Variants in ANO1 observed in about 807,000 individuals in gnomAD.
The protein encoded by ANO1 is anoctamin 1, also known as anoctamin-1.
In ANO1, 59 loss-of-function variants were observed where a neutral mutation model predicts 124.0. The ratio of observed to expected loss-of-function variants is 0.48; its 90% CI spans 0.39 to 0.59. ANO1 has a LOEUF of 0.59. Among genes scored for constraint, ANO1 ranks in the 20% least tolerant of loss-of-function variants. The pLI is 0.00. For missense variants in ANO1, 1,059 were observed against 1,328.0 expected, an observed-to-expected ratio of 0.80 and a Z score of 3.15; for synonymous variants, 529 against 532.0, an observed-to-expected ratio of 0.99 and a Z score of 0.08.
chr11:70,043,033 C>T (rs1217136696), intron 1 of ANO1, among the ~76,000 whole-genome samples: 7 of 151,970 alleles, frequency 4.6e-5, no homozygotes, highest in African/African-American at 1.7e-4. Context: ...TCAATAGAAA[C>T]AGACCCAGAA....
chr11:70,016,908 C>T (rs188873955), intron 1 of ANO1, among the ~76,000 whole-genome samples: 12 of 152,382 alleles, frequency 7.9e-5, no homozygotes, highest in Non-Finnish European at 1.6e-4. Flanking sequence ...GTCCCTCAGA[C>T]ATCCTGCCCC....
intron 11 of ANO1, among the ~76,000 whole-genome samples, chr11:70,140,071 G>C (rs2135565713): frequency 6.6e-6 from 1 of 152,342 alleles, no homozygotes; most frequent in East Asian, 1.9e-4. Flanking sequence ...GGCTCTCTCT[G>C]TAACCCCACA....
chr11:69,969,754 C>T, the ANO1 span, among the ~76,000 whole-genome samples: 2 of 152,116 alleles, frequency 1.3e-5, no homozygotes, highest in Non-Finnish European at 2.9e-5. Context: ...CGAGAACAGC[C>T]TGGCCAATAT....
At chr11:70,071,984 A>G (rs1319456802) in intron 1 of ANO1, among the ~76,000 whole-genome samples, 1 of 152,182 alleles carries the variant, frequency 6.6e-6, no homozygotes, top group East Asian at 1.9e-4. Context: ...GTCACATAAC[A>G]TAGATTATTG....
chr11:70,154,866 C>G (rs1296018351), intron 14 of ANO1, among the ~76,000 whole-genome samples: 1 of 152,240 alleles, frequency 6.6e-6, no homozygotes, highest in Non-Finnish European at 1.5e-5. Context: ...AAGAGACTGT[C>G]TGTCTGACTT....
intron 7 of ANO1, among the ~76,000 whole-genome samples, chr11:70,116,102 C>T (rs1216512720): frequency 6.6e-6 from 1 of 152,206 alleles, no homozygotes; most frequent in Non-Finnish European, 1.5e-5. Context: ...CATATACGCA[C>T]CCTATTGATA....
chr11:70,101,760 C>G (rs1353195996), intron 2 of ANO1, among the ~76,000 whole-genome samples: 1 of 152,148 alleles, frequency 6.6e-6, no homozygotes, highest in East Asian at 1.9e-4. Context: ...GGATGAGGTC[C>G]CGGCCGGCAC....
At chr11:70,095,395 AAAG>A (rs1169777323) in intron 2 of ANO1, among the ~76,000 whole-genome samples, 420 of 39,052 alleles carry the variant, frequency 0.011, 34 homozygotes, top group Non-Finnish European at 9.8e-3. Flanking sequence ...AGAAAGAAAG[AAAG>A]AAAGAAAGAA....
chr11:70,058,920 A>T (rs978476011), intron 1 of ANO1, among the ~76,000 whole-genome samples: 13 of 152,218 alleles, frequency 8.5e-5, no homozygotes, highest in African/African-American at 3.1e-4. Context: ...GCGGTGGCTC[A>T]CGCCTGTAAT....
rs1030540574 is a variant in ANO1, at chr11:70,096,679, A to G, written c.442-6387A>G. The stretch of plus-strand genomic sequence containing the variant: ...ACTTCCAGACCAGCCTGGCCAACAT[A>G]GTGAAACCCCGTCTCTACTAAAAAT... On this transcript the variant is annotated intron_variant, in intron 2 of 25. Transcript: ENST00000355303. 5.9e-5 allele frequency among the ~76,000 whole-genome samples: 9 copies of G among 152,064 alleles called. No homozygotes were observed. In the East Asian group the frequency reaches 1.4e-3, roughly 23 times the overall value.
chr11:70,149,649 T>TA (rs34756275), intron 11 of ANO1, 61 bp from the exon 12 acceptor site: 212,802 of 1,354,242 alleles, frequency 0.16, 1,467 homozygotes, highest in Middle Eastern at 0.17. Context: ...AAACTCTGTC[T>TA]AAAAAAAAAA....
chr11:70,143,172 C>T (rs560159706), intron 11 of ANO1, among the ~76,000 whole-genome samples: 91 of 152,248 alleles, frequency 6.0e-4, no homozygotes, highest in African/African-American at 1.9e-3. Flanking sequence ...TTGGAAGACG[C>T]GACCCCTGCC....
At chr11:70,130,437 G>T (rs1196448361) in intron 10 of ANO1, among the ~76,000 whole-genome samples, 1 of 152,260 alleles carries the variant, frequency 6.6e-6, no homozygotes, top group South Asian at 2.1e-4. Flanking sequence ...CACAGACCAG[G>T]ATTCCATTCC....
At chr11:70,132,318 G>A (rs1056593995) in intron 11 of ANO1, among the ~76,000 whole-genome samples, 2 of 152,262 alleles carry the variant, frequency 1.3e-5, no homozygotes, top group African/African-American at 2.4e-5. Flanking sequence ...AAAAGCCTAG[G>A]AGGGACGTTT....
chr11:70,094,967 G>A (rs1487724011), intron 2 of ANO1, among the ~76,000 whole-genome samples: 2 of 152,130 alleles, frequency 1.3e-5, no homozygotes, highest in East Asian at 1.9e-4. Context: ...AGCACTTTGG[G>A]AGGCTGAGGC....
chr11:70,126,746 C>T (rs561736890), intron 10 of ANO1, among the ~76,000 whole-genome samples: 2 of 115,348 alleles, frequency 1.7e-5, no homozygotes, highest in Non-Finnish European at 1.8e-5. Flanking sequence ...GGGAGGTGAG[C>T]GTGAATGCCA....
intron 13 of ANO1, 64 bp downstream of exon 13, chr11:70,152,525 T>C: frequency 6.4e-7 from 1 of 1,557,842 alleles, no homozygotes; most frequent in South Asian, 1.1e-5. Flanking sequence ...AGGGACCTTC[T>C]CTTGCACCTA....
chr11:70,047,793 C>G (rs1262626288), intron 1 of ANO1, among the ~76,000 whole-genome samples: 1 of 152,136 alleles, frequency 6.6e-6, no homozygotes. Flanking sequence ...TAGGTCCTGC[C>G]TTTTTTACCT....
At chr11:70,161,975 C>CT (rs1329796209) in intron 18 of ANO1, among the ~76,000 whole-genome samples, 3 of 151,210 alleles carry the variant, frequency 2.0e-5, no homozygotes, top group Non-Finnish European at 4.4e-5. Context: ...CAGTGAGGAC[C>CT]GGGGAGTGAG....
Sources: allele counts gnomAD v4.1 joint callset (sites outside exome capture counted in the v4.1 genomes callset), GRCh38; gene constraint gnomAD v4.1.1; transcripts MANE v1.5; gene names NCBI Gene and HGNC (gene_info 2026-07-23, HGNC 2026-07-21).